The following LMBR1L variants were observed in gnomAD, a reference collection of about 807,000 sequenced individuals.
LMBR1L encodes limb development membrane protein 1 like, also known as protein LMBR1L.
In LMBR1L, 47 loss-of-function variants were observed where a neutral mutation model predicts 67.3. That is an observed-to-expected ratio of 0.70 (90% confidence interval 0.55 to 0.89). The LOEUF is 0.89. LMBR1L is among the 40% of genes least tolerant of loss of function. The pLI is 0.00. For synonymous variants in LMBR1L, 247 were observed against 250.3 expected, an observed-to-expected ratio of 0.99 and a Z score of 0.13; for missense variants, 533 against 599.2, an observed-to-expected ratio of 0.89 and a Z score of 1.15.
chr12:49,105,060 C>T (rs1940726966), intron 3 of LMBR1L, 175 bp from the exon 4 acceptor site: 1 of 661,254 alleles, frequency 1.5e-6, no homozygotes, highest in South Asian at 2.0e-5. Flanking sequence ...CACCCTAGCT[C>T]TTTACCTCCA....
intron 15 of LMBR1L, among the ~76,000 whole-genome samples, chr12:49,099,495 A>G (rs1414588565): frequency 6.6e-6 from 1 of 151,460 alleles, no homozygotes; most frequent in Non-Finnish European, 1.5e-5. Context: ...ACAGAGGATG[A>G]TGTGGTATTT....
chr12:49,108,289 C>T (rs1157780579), intron 1 of LMBR1L, among the ~76,000 whole-genome samples: 4 of 151,172 alleles, frequency 2.6e-5, no homozygotes, highest in Admixed American at 6.6e-5. Flanking sequence ...ATTGGCTGGG[C>T]GCAGTGGCTC....
intron 15 of LMBR1L, among the ~76,000 whole-genome samples, chr12:49,099,581 C>CTT (rs869070798): frequency 1.4e-5 from 2 of 139,938 alleles, no homozygotes; most frequent in Non-Finnish European, 1.6e-5. Context: ...CACTCTTGAA[C>CTT]TTTTTTTTTT....
In LMBR1L at chr12:49,098,568, G is replaced by A. The variant is rs1939705612; in HGVS notation, c.1241-463C>T. ...TGCCTCAGTTTCCTAAGAATTAAAT[G>A]AGACAACACACATAAAGCACTGTCT... is the stretch of plus-strand genomic sequence containing the variant. On this transcript the variant is annotated intron_variant, in intron 15 of 16. Coordinates refer to ENST00000267102, the MANE Select transcript of LMBR1L (RefSeq NM_018113.4). Among the ~76,000 whole-genome samples, 3 of 152,132 alleles carry A rather than the reference G, an allele frequency of 2.0e-5. No individual in the cohort carries two copies. In the South Asian group the frequency reaches 6.2e-4, roughly 31 times the overall value.
At chr12:49,099,362 C>T (rs1483939095) in intron 15 of LMBR1L, among the ~76,000 whole-genome samples, 2 of 150,478 alleles carry the variant, frequency 1.3e-5, no homozygotes, top group African/African-American at 4.9e-5. Flanking sequence ...TTGGCTAGGC[C>T]GGTCTTGACC....
At chr12:49,103,655 C>T (rs771312320) in intron 6 of LMBR1L, 32 bp downstream of exon 6, 18 of 1,591,862 alleles carry the variant, frequency 1.1e-5, no homozygotes, top group East Asian at 2.2e-5. Flanking sequence ...AACTGAAAAG[C>T]CATGCAGCCT....
intron 15 of LMBR1L, among the ~76,000 whole-genome samples, 170 bp from the exon 16 acceptor site, chr12:49,098,275 G>A (rs74688378): frequency 0.018 from 2,775 of 152,282 alleles, 82 homozygotes; most frequent in African/African-American, 0.063. Flanking sequence ...ACTGTTCTAA[G>A]TGCCAGCAGC....
chr12:49,102,523 C>T lies in LMBR1L; in HGVS notation c.714G>A (p.Glu238=). The T allele has an allele frequency of 6.2e-7, 1 of 1,614,064 alleles. No individual in the cohort carries two copies. The highest frequency in any genetic ancestry group is 8.5e-7 in the Non-Finnish European group (1 of 1,179,966). ...CAAAGGCTGAGCAGTACAGCTGCTC[C>T]TCCAGGTCTTCCAGCAGCTAGGGGC... ...LVKPRLLEDL[E]EQLYCSAFEE... is the part of the protein sequence containing the mutation. The change falls in exon 9 of 17, where the codon GAG becomes GAA. Residue 238 remains glutamate, a synonymous_variant. Transcript: ENST00000267102.
At chr12:49,102,062 C>G (rs1940260130) in intron 11 of LMBR1L, 58 bp downstream of exon 11, 3 of 1,484,224 alleles carry the variant, frequency 2.0e-6, no homozygotes, top group Non-Finnish European at 2.8e-6. Context: ...TCCCCTCTCC[C>G]TGAGAAGGCC....
At chr12:49,101,798 A>G (rs1302850493) in intron 11 of LMBR1L, 1 of 580,896 alleles carries the variant, frequency 1.7e-6, no homozygotes, top group East Asian at 2.9e-5. Context: ...TCTTCCTTCA[A>G]CTGATGAGAT....
intron 6 of LMBR1L, among the ~76,000 whole-genome samples, 167 bp from the exon 7 acceptor site, chr12:49,103,326 A>G (rs1396388885): frequency 1.3e-5 from 2 of 152,176 alleles, no homozygotes; most frequent in Non-Finnish European, 2.9e-5. Context: ...GGCAGGGCCT[A>G]TAGTAAACTG....
At position 49,100,661 on chromosome 12, in the gene LMBR1L, AG is replaced by A. The variant is rs749509632; in HGVS notation, c.1083-16del. ...CCATTAGGTAACTGCCACTGCATTA[AG>A]GAAGAACTGGCTGGCTCCAAGAATT... On this transcript the variant is annotated splice_polypyrimidine_tract_variant and intron_variant, in intron 13 of 16. Transcript: ENST00000267102. 5 of 1,585,586 alleles carry A rather than the reference AG, an allele frequency of 3.2e-6. No individual in the cohort carries two copies. The highest frequency in any genetic ancestry group is 4.3e-6 in the Non-Finnish European group (5 of 1,155,010).
In LMBR1L at chr12:49,097,727, A is replaced by T; in HGVS notation, c.1415T>A (p.Leu472Gln). The T allele has an allele frequency of 6.2e-7, 1 of 1,614,002 alleles. No homozygotes were observed. Among genetic ancestry groups the T allele is most frequent in the South Asian group, 1.1e-5 (1 of 91,070 alleles). ...ELIRAFGLDR[L>Q]PLPVSGFPQA... ...GGGGAAACCGGAGACGGGCAGCGGC[A>T]GTCTGTCCAGCCCTGGAGAAGAGGA... is the stretch of plus-strand genomic sequence containing the variant. The change falls in exon 17 of 17, where the codon CTG becomes CAG. Residue 472 changes from leucine (L) to glutamine (Q), a missense_variant. Leu to Gln is a moderately radical substitution (Grantham distance 113). Around this residue, in one of 3 missense-constraint regions of LMBR1L, gnomAD observed 223 missense variants for 241.2 expected, o/e 0.92. Coordinates refer to ENST00000267102, the MANE Select transcript of LMBR1L (RefSeq NM_018113.4).
At chr12:49,100,346 C>CAA (rs1415592610) in intron 15 of LMBR1L, 42 bp downstream of exon 15, 1 of 1,525,104 alleles carries the variant, frequency 6.6e-7, no homozygotes, top group Non-Finnish European at 9.1e-7. Flanking sequence ...AGTAAGTACT[C>CAA]AAAAAAATCC....
At chr12:49,099,969 G>C (rs1037868352) in intron 15 of LMBR1L, among the ~76,000 whole-genome samples, 4 of 152,232 alleles carry the variant, frequency 2.6e-5, no homozygotes, top group African/African-American at 9.6e-5. Context: ...CCAGTGTATA[G>C]AGAAAGCACT....
At position 49,102,310 on chromosome 12, in the gene LMBR1L, G is replaced by A. The variant is rs1940299601; in HGVS notation, c.836C>T (p.Thr279Ile). 1 of 1,614,204 alleles carries A rather than the reference G, an allele frequency of 6.2e-7. No homozygotes were observed. The highest frequency in any genetic ancestry group is 8.5e-7 in the Non-Finnish European group (1 of 1,180,014). The change falls in exon 10 of 17, where the codon ACA (threonine) becomes ATA (isoleucine). Residue 279 changes from threonine (T) to isoleucine (I), a missense_variant. Around this residue, in one of 3 missense-constraint regions of LMBR1L, gnomAD observed 64 missense variants for 109.0 expected, o/e 0.59. Transcript: ENST00000267102. ...CCACATACCCAGCAGGACCCTCTGTGTCTGCAGAGCCAGGACCTGTCTGTG... is the reference window on the plus strand; with the variant it reads ...CCACATACCCAGCAGGACCCTCTGTATCTGCAGAGCCAGGACCTGTCTGTG... ...LLHRQVLALQ[T>I]QRVLLEKRRK...
In LMBR1L at chr12:49,110,842, C is replaced by A. The variant is rs552754638; in HGVS notation, c.-287G>T. The A allele has an allele frequency of 8.9e-6, 4 of 450,500 alleles. No individual in the cohort carries two copies. The highest frequency in any genetic ancestry group is 2.7e-5 in the South Asian group (1 of 36,856). The allele number at this position is 450,500 out of a possible 1,614,324, so 27.9% of individuals were successfully genotyped here. A position where few individuals can be genotyped will look rare whatever the true frequency, so the allele number is the denominator to read the frequency against. ...CAATGCAAACACCCGCCACTAGGCTCGCTACGAGGAAGCGCCGCTGAGGGT... is the reference window on the plus strand; with the variant it reads ...CAATGCAAACACCCGCCACTAGGCTAGCTACGAGGAAGCGCCGCTGAGGGT... On this transcript the variant is annotated 5_prime_UTR_variant, in exon 1 of 17. Transcript: ENST00000267102.
chr12:49,104,367 T>C (rs1940609055), intron 5 of LMBR1L, 81 bp downstream of exon 5: 3 of 1,054,410 alleles, frequency 2.8e-6, no homozygotes, highest in South Asian at 2.7e-5. Context: ...CCTCTGCAAA[T>C]AGCCTCTTTA....
Position 49,102,625 on chromosome 12 carries a change from C to G in LMBR1L, c.697-85G>C, listed in dbSNP as rs1940350760. The G allele has an allele frequency of 2.2e-6, 3 of 1,386,298 alleles. No individual in the cohort carries two copies. The South Asian group carries it at 3.6e-5, about 17-fold the overall frequency. The allele number at this position is 1,386,298 out of a possible 1,614,324, so 85.9% of individuals were successfully genotyped here. On this transcript the variant is annotated intron_variant, in intron 8 of 16. Transcript: ENST00000267102. The stretch of plus-strand genomic sequence containing the variant: ...GGAGAACCCTGTTCTTCCCAGGGCT[C>G]CGTAGTCCCAGGCTTCCCCCAGACC...
Sources: allele counts gnomAD v4.1 joint callset (sites outside exome capture counted in the v4.1 genomes callset), GRCh38; gene constraint gnomAD v4.1.1; regional missense constraint gnomAD v4.1.1; transcripts MANE v1.5; gene names NCBI Gene and HGNC (gene_info 2026-07-23, HGNC 2026-07-21).